ABCG2: variants seen among roughly 807,000 people sequenced by gnomAD.
ABCG2 encodes broad substrate specificity ATP-binding cassette transporter ABCG2.
A neutral mutation model predicts 73.5 loss-of-function variants in ABCG2; 80 were observed. The ratio of observed to expected loss-of-function variants is 1.09; its 90% CI spans 0.91 to 1.31. The LOEUF is 1.31. ABCG2 is among the 50% of genes most tolerant of loss of function. The probability of loss-of-function intolerance (pLI) is 0.00; values close to 1 mark genes in which losing one functional copy is unlikely to be tolerated. For synonymous variants in ABCG2, 269 were observed against 282.4 expected (o/e 0.95, Z 0.48); for missense variants, 796 against 786.2 (o/e 1.01, Z -0.15).
At chr4:88,189,369 C>G (rs1051958481) in intron 1 of ABCG2, among the ~76,000 whole-genome samples, 2 of 151,962 alleles carry the variant, frequency 1.3e-5, no homozygotes, top group East Asian at 1.9e-4. Flanking sequence ...AAAAAATGAG[C>G]TGAGCATGGT....
chr4:88,154,165 A>G (rs1040905123), intron 1 of ABCG2, among the ~76,000 whole-genome samples: 1 of 152,210 alleles, frequency 6.6e-6, no homozygotes, highest in African/African-American at 2.4e-5. Flanking sequence ...GAGGGACAGA[A>G]GTTGGAACAC....
At chr4:88,213,067 A>G (rs1729665297) in intron 1 of ABCG2, among the ~76,000 whole-genome samples, 1 of 151,998 alleles carries the variant, frequency 6.6e-6, no homozygotes, top group Non-Finnish European at 1.5e-5. Flanking sequence ...GCACCCAGCT[A>G]ATTTTTAAAA....
At chr4:88,230,365 G>A (rs957052658) in intron 1 of ABCG2, among the ~76,000 whole-genome samples, 2 of 129,480 alleles carry the variant, frequency 1.5e-5, no homozygotes, top group African/African-American at 3.1e-5. Context: ...ACGGAGTCTC[G>A]CACTGTCGCC....
chr4:88,177,174 C>T (rs551521195), intron 1 of ABCG2, among the ~76,000 whole-genome samples: 1 of 152,016 alleles, frequency 6.6e-6, no homozygotes, highest in South Asian at 2.1e-4. Flanking sequence ...AGATCGAGAC[C>T]ATTCTGGCTA....
intron 9 of ABCG2, among the ~76,000 whole-genome samples, chr4:88,110,601 A>G (rs778312097): frequency 8.5e-5 from 13 of 152,166 alleles, no homozygotes; most frequent in Non-Finnish European, 1.8e-4. Context: ...CTTGGCCTCA[A>G]GCATCCTTCT....
At position 88,128,814 on chromosome 4, in the gene ABCG2, G is replaced by A. The variant is rs148581359; in HGVS notation, c.531+2247C>T. Among the ~76,000 whole-genome samples, 304 of 152,216 alleles carry A rather than the reference G, an allele frequency of 2.0e-3. 3 individuals are homozygous for A. Among genetic ancestry groups the A allele is most frequent in the South Asian group, 0.012 (57 of 4,810 alleles). On this transcript the variant is annotated intron_variant, in intron 5 of 15. Coordinates refer to ENST00000237612, the MANE Select transcript of ABCG2 (RefSeq NM_004827.3). ...ATGGGATAGCATTAGGAGAAATACC[G>A]AATGTAGATGATGGGTTGAAGGGTG...
chr4:88,130,952 C>A (rs902096276), intron 5 of ABCG2, 109 bp downstream of exon 5: 15 of 1,258,788 alleles, frequency 1.2e-5, no homozygotes, highest in Non-Finnish European at 1.6e-5. Context: ...GGAAAGCAAC[C>A]ATTTTTGACC....
rs58050208 is a variant in ABCG2, at chr4:88,147,016, GGAAAGAAAGAAA to G, written c.-19-7014_-19-7003del. 1.0e-3 allele frequency among the ~76,000 whole-genome samples: 125 copies of G among 125,260 alleles called. 1 individual carries two copies. The highest frequency in any genetic ancestry group is 3.0e-3 in the Admixed American group (35 of 11,712). The allele number at this position is 125,260 out of a possible 152,430, so 82.2% of individuals were successfully genotyped here. A position where few individuals can be genotyped will look rare whatever the true frequency, so the allele number is the denominator to read the frequency against. ...AAAGAAAGAAGAAAGAGAAAGAAAA[GGAAAGAAAGAAA>G]GAAAGAAAGAAAGAAAGAAAAGAAA... is the stretch of plus-strand genomic sequence containing the variant. On this transcript the variant is annotated intron_variant, in intron 1 of 15. Transcript: ENST00000237612.
At chr4:88,131,953 C>T (rs369217922) in intron 3 of ABCG2, 36 bp from the exon 4 acceptor site, 1 of 1,482,660 alleles carries the variant, frequency 6.7e-7, no homozygotes. Context: ...GTCTAATAAC[C>T]TATAAGAGAA....
chr4:88,194,549 C>CA lies in ABCG2; in HGVS notation c.-20+36444dup, dbSNP rs58945293. On this transcript the variant is annotated intron_variant, in intron 1 of 15. Transcript: ENST00000515655. Reference sequence around the variant, plus strand: ...TGGGCGACAGAGCCAGACTCCGTCTCAAAAAAAAAAAAAAAAAAAAAAAAA... The same window carrying CA: ...TGGGCGACAGAGCCAGACTCCGTCTCAAAAAAAAAAAAAAAAAAAAAAAAAA... Among the ~76,000 whole-genome samples, 35 of 52,592 alleles carry CA rather than the reference C, an allele frequency of 6.7e-4. 3 individuals carry two copies. The highest frequency in any genetic ancestry group is 1.6e-3 in the African/African-American group (18 of 11,326). The allele number at this position is 52,592 out of a possible 152,430, so 34.5% of individuals were successfully genotyped here.
intron 1 of ABCG2, chr4:88,201,666 G>T (rs75048878): frequency 0.14 from 20,759 of 152,122 alleles, 1,719 homozygotes; most frequent in Non-Finnish European, 0.18. Flanking sequence ...GGACTATTGT[G>T]GGCTTCACCT....
intron 5 of ABCG2, among the ~76,000 whole-genome samples, chr4:88,128,489 A>C (rs905490588): frequency 1.3e-5 from 2 of 152,230 alleles, no homozygotes; most frequent in African/African-American, 4.8e-5. Context: ...TTATTGCAGC[A>C]CTATTCACAA....
rs1010679141 is a variant in ABCG2, at chr4:88,090,403, T to A, written c.*1831A>T. On this transcript the variant is annotated 3_prime_UTR_variant, in exon 16 of 16. Coordinates refer to ENST00000237612, the MANE Select transcript of ABCG2 (RefSeq NM_004827.3). The stretch of plus-strand genomic sequence containing the variant: ...AGGGAAGGGTATATATAGAGAACTG[T>A]AAGGGACAGGTATGTGAAAAGCAGG... The A allele has an allele frequency of 1.1e-4, 17 of 152,058 alleles. No individual in the cohort carries two copies. The highest frequency in any genetic ancestry group is 3.9e-4 in the Admixed American group (6 of 15,270). The allele number at this position is 152,058 out of a possible 1,614,324, so 9.4% of individuals were successfully genotyped here. A position where few individuals can be genotyped will look rare whatever the true frequency, so the allele number is the denominator to read the frequency against.
chr4:88,146,268 G>A (rs955528172), intron 1 of ABCG2, among the ~76,000 whole-genome samples: 2 of 77,418 alleles, frequency 2.6e-5, no homozygotes, highest in Non-Finnish European at 4.5e-5. Flanking sequence ...TCCCTAGCTG[G>A]GTTCCTAGAA....
At chr4:88,131,607 C>T (rs1724881537) in intron 4 of ABCG2, among the ~76,000 whole-genome samples, 196 bp downstream of exon 4, 1 of 152,176 alleles carries the variant, frequency 6.6e-6, no homozygotes, top group Non-Finnish European at 1.5e-5. Context: ...TATCACTGTC[C>T]TTACAAGGGC....
Position 88,091,152 on chromosome 4 carries a change from T to C in ABCG2, c.*1082A>G, listed in dbSNP as rs1257176552. 1 of 152,242 alleles carries C rather than the reference T, an allele frequency of 6.6e-6. No homozygotes were observed. The highest frequency in any genetic ancestry group is 2.4e-5 in the African/African-American group (1 of 41,462). The allele number at this position is 152,242 out of a possible 1,614,324, so 9.4% of individuals were successfully genotyped here. ...GGGAGAATGGCTGAGTAGGCTTTTG[T>C]GTGCTACAATCTTCTATTTCTTGAC... On this transcript the variant is annotated 3_prime_UTR_variant, in exon 16 of 16. Transcript: ENST00000237612.
intron 1 of ABCG2, among the ~76,000 whole-genome samples, chr4:88,216,328 G>C (rs1389120219): frequency 6.6e-6 from 1 of 152,220 alleles, no homozygotes; most frequent in Non-Finnish European, 1.5e-5. Context: ...TGGACACAGA[G>C]GGTGGGAATA....
chr4:88,119,557 T>C (rs925995250), intron 6 of ABCG2, among the ~76,000 whole-genome samples: 2 of 152,174 alleles, frequency 1.3e-5, no homozygotes, highest in Admixed American at 1.3e-4. Flanking sequence ...CAGGTTGAGG[T>C]GGTCTCAGAT....
chr4:88,160,918 G>C (rs555108249), upstream of ABCG2, among the ~76,000 whole-genome samples: 281 of 149,170 alleles, frequency 1.9e-3, no homozygotes, highest in Non-Finnish European at 3.3e-3. Flanking sequence ...GCTCACTCCT[G>C]TAATCCCAAC....
Sources: allele counts gnomAD v4.1 joint callset (sites outside exome capture counted in the v4.1 genomes callset), GRCh38; gene constraint gnomAD v4.1.1; transcripts MANE v1.5; gene names NCBI Gene and HGNC (gene_info 2026-07-23, HGNC 2026-07-21).